The following CFAP20 variants were observed in gnomAD, a reference collection of about 807,000 sequenced individuals.
CFAP20 encodes cilia and flagella associated protein 20.
Under a neutral mutation model 25.5 loss-of-function variants are expected in CFAP20, and 14 were observed. The ratio of observed to expected loss-of-function variants is 0.55; its 90% CI spans 0.36 to 0.86. The LOEUF is 0.86. Ranked by LOEUF, CFAP20 falls within the 40% of genes least tolerant of loss-of-function variation. CFAP20 has a pLI of 0.01. For synonymous variants in CFAP20, 75 were observed against 91.1 expected, an observed-to-expected ratio of 0.82 and a Z score of 1.01; for missense variants, 181 against 248.0, an observed-to-expected ratio of 0.73 and a Z score of 1.81.
At chr16:58,115,825 C>G in intron 3 of CFAP20, 3 of 511,052 alleles carry the variant, frequency 5.9e-6, no homozygotes. Context: ...TTTGAAATTA[C>G]TAGGTTTTCT....
chr16:58,123,568 C>G (rs1289614870), intron 1 of CFAP20, among the ~76,000 whole-genome samples: 1 of 122,494 alleles, frequency 8.2e-6, no homozygotes. Flanking sequence ...TGCACTCCAG[C>G]CTGGGGGACA....
chr16:58,114,708 C>A, intron 5 of CFAP20, 102 bp downstream of exon 5: 1 of 903,908 alleles, frequency 1.1e-6, no homozygotes, highest in Non-Finnish European at 1.8e-6. Context: ...AAAGTGTCAA[C>A]ACAGAGAGGC....
intron 1 of CFAP20, among the ~76,000 whole-genome samples, chr16:58,118,519 A>C (rs976111868): frequency 2.7e-5 from 4 of 148,134 alleles, no homozygotes; most frequent in African/African-American, 9.9e-5. Flanking sequence ...AACGAAAAAA[A>C]AAAAACAAAA....
chr16:58,114,541 T>TAAAAAAAAAAAAAAAAA (rs1960430522), intron 5 of CFAP20, among the ~76,000 whole-genome samples: 1 of 138,026 alleles, frequency 7.2e-6, no homozygotes, highest in Non-Finnish European at 1.6e-5. Context: ...AAAAAAAAAG[T>TAAAAAAAAAAAAAAAAA]TAAGATATTT....
intron 1 of CFAP20, among the ~76,000 whole-genome samples, chr16:58,123,629 A>AAAAC (rs71155240): frequency 7.2e-6 from 1 of 139,542 alleles, no homozygotes; most frequent in African/African-American, 2.7e-5. Context: ...AAAAAAAAAA[A>AAAAC]GACTGAAAAT....
intron 1 of CFAP20, among the ~76,000 whole-genome samples, chr16:58,123,834 A>C (rs1185720044): frequency 6.6e-6 from 1 of 152,174 alleles, no homozygotes; most frequent in Non-Finnish European, 1.5e-5. Flanking sequence ...AAAAGCTTCT[A>C]TCAGGAAACT....
At chr16:58,128,395 T>G (rs529611305) in intron 1 of CFAP20, among the ~76,000 whole-genome samples, 2 of 152,106 alleles carry the variant, frequency 1.3e-5, no homozygotes, top group Non-Finnish European at 2.9e-5. Context: ...CAAGTCACAG[T>G]GAGTGTGGAG....
intron 2 of CFAP20, 25 bp from the exon 3 acceptor site, chr16:58,116,177 A>AAC: frequency 1.3e-6 from 2 of 1,498,206 alleles, no homozygotes; most frequent in East Asian, 4.5e-5. Flanking sequence ...AATACTAATA[A>AAC]ACACACTCCT....
At position 58,129,322 on chromosome 16, in the gene CFAP20, A is replaced by G. The variant is rs1241469278; in HGVS notation, c.-207T>C. The G allele has an allele frequency of 1.8e-6, 1 of 562,154 alleles. No homozygotes were observed. Among genetic ancestry groups the G allele is most frequent in the East Asian group, 3.0e-5 (1 of 33,848 alleles). 34.8% of individuals were successfully genotyped at this position (562,154 alleles called of 1,614,324 possible). A position where few individuals can be genotyped will look rare whatever the true frequency, so the allele number is the denominator to read the frequency against. On this transcript the variant is annotated 5_prime_UTR_variant, in exon 1 of 6. Transcript: ENST00000262498. ...CGCGATCTTCAGCTCCTAAGCTGCG[A>G]GCTCAGAACGGAAACCACAGCAACT...
At chr16:58,123,848 T>C (rs1200536635) in intron 1 of CFAP20, among the ~76,000 whole-genome samples, 2 of 152,138 alleles carry the variant, frequency 1.3e-5, no homozygotes, top group Admixed American at 1.3e-4. Flanking sequence ...GGAAACTGTA[T>C]AGCCAGGAAT....
At chr16:58,120,039 A>C (rs28481467) in intron 1 of CFAP20, among the ~76,000 whole-genome samples, 6 of 151,944 alleles carry the variant, frequency 3.9e-5, no homozygotes, top group Non-Finnish European at 5.9e-5. Context: ...TCGCCATCTC[A>C]TGTTCCCAAC....
In CFAP20 at chr16:58,113,767, C is replaced by T; in HGVS notation, c.*258G>A. On this transcript the variant is annotated 3_prime_UTR_variant, in exon 6 of 6. Transcript: ENST00000262498. ...AAGTTCATGGTAAAGGTATCTCCCC[C>T]CACACTGGGGCAGGCGGCGGAATAA... 2.0e-6 allele frequency: 1 copy of T among 494,922 alleles called. No homozygotes were observed. The highest frequency in any genetic ancestry group is 3.7e-6 in the Non-Finnish European group (1 of 273,816). 30.7% of individuals were successfully genotyped at this position (494,922 alleles called of 1,614,324 possible).
chr16:58,126,316 G>C (rs1210480031), intron 1 of CFAP20, among the ~76,000 whole-genome samples: 1 of 152,172 alleles, frequency 6.6e-6, no homozygotes, highest in African/African-American at 2.4e-5. Context: ...GAGATGGAGG[G>C]GAGGGGCTGT....
In CFAP20 at chr16:58,113,999, G is replaced by C; in HGVS notation, c.*26C>G. The C allele has an allele frequency of 6.2e-7, 1 of 1,610,168 alleles. No homozygotes were observed. Among genetic ancestry groups the C allele is most frequent in the East Asian group, 2.2e-5 (1 of 44,856 alleles). On this transcript the variant is annotated 3_prime_UTR_variant, in exon 6 of 6. Coordinates refer to ENST00000262498, the MANE Select transcript of CFAP20 (RefSeq NM_013242.3). The stretch of plus-strand genomic sequence containing the variant: ...TTAAAAAGAAGAGTCACATCCAGGG[G>C]TCTATCCCTCGAGTCACAATTCCAG...
intron 1 of CFAP20, among the ~76,000 whole-genome samples, chr16:58,119,627 T>A (rs1286218923): frequency 4.6e-5 from 7 of 152,156 alleles, no homozygotes; most frequent in Non-Finnish European, 1.0e-4. Flanking sequence ...ACACAAAACG[T>A]CACATTGAAA....
chr16:58,119,456 G>C (rs1221289711), intron 1 of CFAP20: 2 of 152,174 alleles, frequency 1.3e-5, no homozygotes, highest in Non-Finnish European at 2.9e-5. Context: ...CATCCCCCGT[G>C]GACTATTATA....
intron 5 of CFAP20, among the ~76,000 whole-genome samples, chr16:58,114,398 C>T (rs376724923): frequency 1.8e-4 from 27 of 152,104 alleles, no homozygotes; most frequent in Middle Eastern, 3.4e-3. Context: ...TGGTGGCAGG[C>T]GCCTGTAATC....
intron 5 of CFAP20, 106 bp from the exon 6 acceptor site, chr16:58,114,136 G>A: frequency 8.3e-6 from 10 of 1,199,662 alleles, no homozygotes; most frequent in East Asian, 7.0e-5. Context: ...GACAGTGACT[G>A]TGGAGAATGG....
intron 1 of CFAP20, among the ~76,000 whole-genome samples, chr16:58,118,917 T>C (rs1416649484): frequency 6.6e-6 from 1 of 152,122 alleles, no homozygotes; most frequent in Admixed American, 6.6e-5. Flanking sequence ...ACAGGAGACA[T>C]CAGAAAGACA....
Sources: allele counts gnomAD v4.1 joint callset (sites outside exome capture counted in the v4.1 genomes callset), GRCh38; gene constraint gnomAD v4.1.1; transcripts MANE v1.5; gene names NCBI Gene and HGNC (gene_info 2026-07-23, HGNC 2026-07-21).